Variants in HPS1 observed in about 807,000 individuals in gnomAD.
The protein encoded by HPS1 is BLOC-3 complex member HPS1.
In HPS1, 59 loss-of-function variants were observed where a neutral mutation model predicts 90.6. That is an observed-to-expected ratio of 0.65 (90% confidence interval 0.53 to 0.81). The LOEUF (loss-of-function observed/expected upper bound fraction) is 0.81. Ranked by LOEUF, HPS1 falls within the 30% of genes least tolerant of loss-of-function variation. HPS1 has a pLI of 0.00. For synonymous variants in HPS1, 388 were observed against 384.4 expected (o/e 1.01, Z -0.11); for missense variants, 849 against 896.7 (o/e 0.95, Z 0.68).
chr10:98,433,962 A>T, intron 6 of HPS1, 21 bp downstream of exon 6: 1 of 1,551,810 alleles, frequency 6.4e-7, no homozygotes, highest in Non-Finnish European at 8.7e-7. Flanking sequence ...AGTCCTGAGG[A>T]CTCCCGCGCC....
intron 2 of HPS1, among the ~76,000 whole-genome samples, chr10:98,444,201 G>A (rs1939022626): frequency 6.6e-6 from 1 of 152,074 alleles, no homozygotes; most frequent in African/African-American, 2.4e-5. Context: ...CTAGTAGGCT[G>A]CAGCTTCTAG....
chr10:98,421,979 G>C lies in HPS1; in HGVS notation c.1743+390C>G, dbSNP rs202058876. Among the ~76,000 whole-genome samples, 732 of 140,002 alleles carry C rather than the reference G, an allele frequency of 5.2e-3. 7 individuals carry two copies. The highest frequency in any genetic ancestry group is 0.016 in the African/African-American group (621 of 38,814). 91.8% of individuals were successfully genotyped at this position (140,002 alleles called of 152,430 possible). ...AGAAAGAAAAGAACACACACACACAGACACACACACACACACACACACACA... is the reference window on the plus strand; with the variant it reads ...AGAAAGAAAAGAACACACACACACACACACACACACACACACACACACACA... On this transcript the variant is annotated intron_variant, in intron 17 of 19. Coordinates refer to ENST00000361490, the MANE Select transcript of HPS1 (RefSeq NM_000195.5).
At position 98,427,235 on chromosome 10, in the gene HPS1, G is replaced by A. The variant is rs769537702; in HGVS notation, c.967C>T (p.Pro323Ser). 5 of 1,551,382 alleles carry A rather than the reference G, an allele frequency of 3.2e-6. No homozygotes were observed. Among genetic ancestry groups the A allele is most frequent in the East Asian group, 2.4e-5 (1 of 41,052 alleles). ...CTCACCTGAAGGGCATCCATGGGGG[G>A]GGTGCCCCCCTCCAGCCAGATGGTG... The part of the protein sequence containing the change: ...GSTIWLEGGT[P>S]PMDALQIAED... The change falls in exon 11 of 20, where the codon CCC (proline) becomes TCC (serine). Residue 323 changes from proline (P) to serine (S), a missense_variant. Physicochemically the swap from Pro to Ser is moderately conservative, Grantham distance 74 (BLOSUM62 -1). Transcript: ENST00000361490.
chr10:98,443,311 G>C, intron 2 of HPS1, 71 bp from the exon 3 acceptor site: 2 of 1,113,278 alleles, frequency 1.8e-6, no homozygotes, highest in Non-Finnish European at 2.8e-6. Context: ...GAGTAACGAA[G>C]AGGACCCCAA....
chr10:98,446,829 G>T lies in HPS1; in HGVS notation c.-128C>A, dbSNP rs890997117. 13 of 152,240 alleles carry T rather than the reference G, an allele frequency of 8.5e-5. No homozygotes were observed. The highest frequency in any genetic ancestry group is 3.1e-4 in the African/African-American group (13 of 41,442). The allele number at this position is 152,240 out of a possible 1,614,324, so 9.4% of individuals were successfully genotyped here. ...TACCTCACTTCCGGGAGGGTTGAAGGGGGGCTCCGGAGGGAGGATCGCCGC... is the reference window on the plus strand; with the variant it reads ...TACCTCACTTCCGGGAGGGTTGAAGTGGGGCTCCGGAGGGAGGATCGCCGC... On this transcript the variant is annotated 5_prime_UTR_variant, in exon 1 of 20. Coordinates refer to ENST00000361490, the MANE Select transcript of HPS1 (RefSeq NM_000195.5).
At chr10:98,446,251 C>A (rs967838294) in intron 1 of HPS1, among the ~76,000 whole-genome samples, 1 of 152,168 alleles carries the variant, frequency 6.6e-6, no homozygotes, top group Admixed American at 6.5e-5. Context: ...GGCCCGAATG[C>A]CATATTCCCG....
chr10:98,421,686 T>C (rs1844867844), intron 17 of HPS1, among the ~76,000 whole-genome samples: 1 of 152,240 alleles, frequency 6.6e-6, no homozygotes, highest in African/African-American at 2.4e-5. Flanking sequence ...CAGTAAGTAC[T>C]GAATGAACTG....
chr10:98,431,108 C>G, intron 7 of HPS1, 23 bp downstream of exon 7: 3 of 1,613,520 alleles, frequency 1.9e-6, no homozygotes, highest in Non-Finnish European at 1.7e-6. Context: ...CTTTAGCCAC[C>G]ACATGCCAGA....
At position 98,417,466 on chromosome 10, in the gene HPS1, G is replaced by T. The variant is rs976813537; in HGVS notation, c.*98C>A. The T allele has an allele frequency of 5.3e-6, 6 of 1,123,756 alleles. No homozygotes were observed. The highest frequency in any genetic ancestry group is 4.6e-5 in the African/African-American group (3 of 64,966). 69.6% of individuals were successfully genotyped at this position (1,123,756 alleles called of 1,614,324 possible). On this transcript the variant is annotated 3_prime_UTR_variant, in exon 20 of 20. Coordinates refer to ENST00000361490, the MANE Select transcript of HPS1 (RefSeq NM_000195.5). This position sits in a 1 kb window ranked among gnomAD's most constrained non-coding sequence, Gnocchi z 4.2. ...CCTGGGCACTCTGCCCTATCCTCAGGATGGCCACTGCAGACAGGAGGCTCT... is the reference window on the plus strand; with the variant it reads ...CCTGGGCACTCTGCCCTATCCTCAGTATGGCCACTGCAGACAGGAGGCTCT...
chr10:98,428,787 A>C (rs568836435), intron 10 of HPS1, among the ~76,000 whole-genome samples: 155 of 144,600 alleles, frequency 1.1e-3, no homozygotes, highest in Non-Finnish European at 1.9e-3. Context: ...TGGTTTATCT[A>C]CTTCTCTAAG....
chr10:98,443,158 A>G lies in HPS1; in HGVS notation c.83T>C (p.Leu28Pro), dbSNP rs374679558. The change falls in exon 3 of 20, where the codon CTG becomes CCG. Residue 28 changes from leucine (L) to proline (P), a missense_variant. By Grantham distance (98) the Leu-to-Pro change is moderately conservative. Coordinates refer to ENST00000361490, the MANE Select transcript of HPS1 (RefSeq NM_000195.5). ...CTCATTCTCTGACTGCCCGAACTTC[A>G]GCCGGAGACTCTCTTCAAACTCCTG... ...TDQEFEESLR[L>P]KFGQSENEEE... is the part of the protein sequence containing the mutation. 15 of 1,613,822 alleles carry G rather than the reference A, an allele frequency of 9.3e-6. No individual in the cohort carries two copies. The African/African-American group carries it at 1.7e-4, about 19-fold the overall frequency.
At chr10:98,427,376 GCC>G in intron 10 of HPS1, 112 bp from the exon 11 acceptor site, 1 of 872,782 alleles carries the variant, frequency 1.1e-6, no homozygotes, top group Non-Finnish European at 1.8e-6. Context: ...GCCCTTGGCT[GCC>G]AGCTCCACGC....
rs980967138 is a variant in HPS1 at position 98,426,045 on chromosome 10, C to T, written c.988-60G>A. ...ATCCCTAAGTTGGACCCACCCATTG[C>T]GGCCCTATCTGTGAACCACAAGAAA... On this transcript the variant is annotated intron_variant, in intron 11 of 19. Coordinates refer to ENST00000361490, the MANE Select transcript of HPS1 (RefSeq NM_000195.5). 12 of 1,447,580 alleles carry T rather than the reference C, an allele frequency of 8.3e-6. 1 individual carries two copies. The highest frequency in any genetic ancestry group is 2.3e-5 in the South Asian group (2 of 87,552). The allele number at this position is 1,447,580 out of a possible 1,614,324, so 89.7% of individuals were successfully genotyped here.
At chr10:98,428,068 A>C (rs1050328020) in intron 10 of HPS1, among the ~76,000 whole-genome samples, 14 of 152,328 alleles carry the variant, frequency 9.2e-5, no homozygotes, top group Admixed American at 7.8e-4. Context: ...TGGTAAGAGG[A>C]ACTTCGGAGA....
chr10:98,429,952 GC>G, intron 8 of HPS1, 63 bp from the exon 9 acceptor site: 1 of 1,436,400 alleles, frequency 7.0e-7, no homozygotes, highest in Non-Finnish European at 9.7e-7. Context: ...CACCCCTTCT[GC>G]CTCCCAGCGC....
At chr10:98,418,784 G>A (rs1232820545) in intron 18 of HPS1, among the ~76,000 whole-genome samples, 7 of 152,248 alleles carry the variant, frequency 4.6e-5, no homozygotes, top group Admixed American at 3.3e-4. Context: ...CGGCTGGGCT[G>A]TGTGGCTGGC....
chr10:98,419,350 T>C (rs946450654), intron 18 of HPS1, among the ~76,000 whole-genome samples: 1 of 151,614 alleles, frequency 6.6e-6, no homozygotes, highest in Non-Finnish European at 1.5e-5. Flanking sequence ...ACAAGCGAGA[T>C]GCAAATAAAA....
At chr10:98,426,156 C>T in intron 11 of HPS1, 171 bp from the exon 12 acceptor site, 2 of 624,458 alleles carry the variant, frequency 3.2e-6, no homozygotes, top group East Asian at 2.8e-5. Flanking sequence ...TTCGCTGTTG[C>T]CCCTCTCCCT....
At position 98,425,660 on chromosome 10, in the gene HPS1, C is replaced by T; in HGVS notation, c.1216G>A (p.Glu406Lys). 1.9e-6 allele frequency: 3 copies of T among 1,613,660 alleles called. No homozygotes were observed. Among genetic ancestry groups the T allele is most frequent in the Non-Finnish European group, 1.7e-6 (2 of 1,179,938 alleles). ...SQLMDGFSMLEKKLKEGPEPG... is the reference protein window; with the variant it reads ...SQLMDGFSMLKKKLKEGPEPG... ...TCCGGCCCTTCCTTCAGCTTCTTCT[C>T]CAGCATGGAGAAGCCATCCATCAGC... Residue 406 changes from glutamate (E) to lysine (K), a missense_variant, in exon 13 of 20, where the codon GAG becomes AAG. Transcript: ENST00000361490.
Sources: gnomAD v4.1 joint callset for allele counts (sites outside exome capture counted in the v4.1 genomes callset) on GRCh38, gnomAD v4.1.1 for gene constraint, Gnocchi (gnomAD v3.1) non-coding constraint, MANE v1.5 for transcripts, NCBI Gene and HGNC (gene_info 2026-07-23, HGNC 2026-07-21) for gene names.